The following UBE2D3 variants were observed in gnomAD, a reference collection of about 807,000 sequenced individuals.
UBE2D3 encodes the protein ubiquitin conjugating enzyme E2 D3, also known as ubiquitin-conjugating enzyme E2 D3.
Under a neutral mutation model 22.8 loss-of-function variants are expected in UBE2D3, and 2 were observed. The observed-to-expected ratio is 0.09, with a 90% CI of 0.04 to 0.28. UBE2D3 has a LOEUF of 0.28. Ranked by LOEUF, UBE2D3 falls within the 10% of genes least tolerant of loss-of-function variation. The pLI, the probability that UBE2D3 is intolerant of heterozygous loss-of-function variation, is 1.00. For missense variants in UBE2D3, 27 were observed against 182.5 expected (o/e 0.15, Z 4.91); for synonymous variants, 56 against 60.4 (o/e 0.93, Z 0.34).
Position 102,797,533 on chromosome 4 carries a change from T to C in UBE2D3, c.399-73A>G, listed in dbSNP as rs996264256. ...ATACTTTAAATGGAAGGGAAAGATT[T>C]CCATTTTATCATCTCCAGACTCATC... On this transcript the variant is annotated intron_variant, in intron 7 of 7. Transcript: ENST00000453744. The C allele has an allele frequency of 1.4e-5, 18 of 1,259,130 alleles. No homozygotes were observed. The African/African-American group carries it at 2.4e-4, about 17-fold the overall frequency. The allele number at this position is 1,259,130 out of a possible 1,614,324, so 78.0% of individuals were successfully genotyped here.
intron 4 of UBE2D3, chr4:102,809,198 A>T (rs886706631): frequency 1.5e-5 from 5 of 328,240 alleles, no homozygotes; most frequent in African/African-American, 1.1e-4. Flanking sequence ...TATTCAAAAT[A>T]TCACTTTCTG....
intron 7 of UBE2D3, 71 bp downstream of exon 7, chr4:102,799,336 T>C: frequency 1.7e-6 from 2 of 1,194,372 alleles, no homozygotes; most frequent in East Asian, 2.4e-5. Context: ...TTCTTGGCAC[T>C]GTCACAAGCA....
At chr4:102,819,567 G>A in intron 2 of UBE2D3, 3 of 985,320 alleles carry the variant, frequency 3.0e-6, no homozygotes, top group Non-Finnish European at 2.4e-6. Flanking sequence ...GGTTTTAAGT[G>A]TCAACCCTAT....
At chr4:102,823,093 A>T (rs1301640053) in intron 2 of UBE2D3, among the ~76,000 whole-genome samples, 2 of 152,148 alleles carry the variant, frequency 1.3e-5, no homozygotes, top group Admixed American at 1.3e-4. Context: ...TCTATCCCAC[A>T]TGGTTGTCTT....
chr4:102,817,515 C>A (rs114106096), intron 2 of UBE2D3, among the ~76,000 whole-genome samples: 1 of 152,062 alleles, frequency 6.6e-6, no homozygotes, highest in Non-Finnish European at 1.5e-5. Context: ...AGTGTACCTA[C>A]TAACAACTTA....
chr4:102,828,035 T>C, upstream of UBE2D3: 1 of 985,444 alleles, frequency 1.0e-6, no homozygotes, highest in African/African-American at 1.7e-5. Context: ...TTTGTGCGCT[T>C]TTCCTGACGG....
chr4:102,814,060 G>A (rs527943631), intron 2 of UBE2D3, among the ~76,000 whole-genome samples: 1 of 152,222 alleles, frequency 6.6e-6, no homozygotes, highest in East Asian at 1.9e-4. Context: ...TGTCTGTATA[G>A]ATATACCCTC....
chr4:102,811,897 A>G, intron 2 of UBE2D3: 1 of 345,256 alleles, frequency 2.9e-6, no homozygotes. Flanking sequence ...TCAACTGTCT[A>G]CCACAATATC....
rs1727671440 is a variant in UBE2D3 at position 102,809,874 on chromosome 4, T to C, written c.25-19A>G. ...TAAGTTCCTACACCAAGACAGAAAA[T>C]GGGTGAGTCACATAAGCTTAATTTA... On this transcript the variant is annotated intron_variant, in intron 2 of 7. Coordinates refer to ENST00000453744, the MANE Select transcript of UBE2D3 (RefSeq NM_181891.3). 1.2e-6 allele frequency: 2 copies of C among 1,609,996 alleles called. No individual in the cohort carries two copies. Among genetic ancestry groups the C allele is most frequent in the African/African-American group, 2.7e-5 (2 of 73,616 alleles).
At chr4:102,850,934 G>A (rs574985792) in intron 1 of UBE2D3, among the ~76,000 whole-genome samples, 13 of 151,602 alleles carry the variant, frequency 8.6e-5, no homozygotes, top group Non-Finnish European at 1.3e-4. Flanking sequence ...CTTTGTTGGG[G>A]GCGGGTGAGA....
intron 1 of UBE2D3, chr4:102,827,115 G>A (rs1730664953): frequency 2.0e-6 from 2 of 986,610 alleles, no homozygotes; most frequent in African/African-American, 1.7e-5. Flanking sequence ...CTCGCAGCGA[G>A]CTATTCTGTG....
At chr4:102,826,355 C>T (rs1730494749) in intron 2 of UBE2D3, 130 bp downstream of exon 2, 3 of 1,168,916 alleles carry the variant, frequency 2.6e-6, no homozygotes, top group Admixed American at 2.0e-5. Flanking sequence ...CTGCGTTCTC[C>T]ATCCCCCCAT....
intron 1 of UBE2D3, among the ~76,000 whole-genome samples, chr4:102,852,372 A>T (rs1732403102): frequency 6.6e-6 from 1 of 152,220 alleles, no homozygotes; most frequent in Non-Finnish European, 1.5e-5. Flanking sequence ...GCAAACCTAT[A>T]ATCCCAAGTA....
chr4:102,801,626 A>G, intron 5 of UBE2D3, 67 bp from the exon 6 acceptor site: 1 of 1,274,278 alleles, frequency 7.8e-7, no homozygotes, highest in Non-Finnish European at 1.1e-6. Context: ...AAAACTTAAA[A>G]TAATCAAGCC....
chr4:102,809,745 A>G (rs748314136), intron 3 of UBE2D3, 42 bp from the exon 4 acceptor site: 6 of 1,613,338 alleles, frequency 3.7e-6, no homozygotes, highest in Non-Finnish European at 3.4e-6. Context: ...AAAATGCACA[A>G]GCTTAAAAAA....
At chr4:102,845,192 G>T (rs28419386) in intron 1 of UBE2D3, among the ~76,000 whole-genome samples, 20,062 of 151,996 alleles carry the variant, frequency 0.13, 1,417 homozygotes, top group Admixed American at 0.16. Flanking sequence ...CTCCAGCCTG[G>T]GTGACAACAG....
chr4:102,849,504 C>T (rs570178161), intron 1 of UBE2D3, among the ~76,000 whole-genome samples: 1 of 152,002 alleles, frequency 6.6e-6, no homozygotes, highest in African/African-American at 2.4e-5. Flanking sequence ...ACCAAGAACT[C>T]ATATCCAGAA....
rs151339235 is a variant in UBE2D3, at chr4:102,853,135, A to ATTTTTTTTTTTTTT, written c.-129+15566_-129+15579dup. ...GTCAAAATTACACACAAACACACAC[A>ATTTTTTTTTTTTTT]TTTTTTTTTTTTTTTTTTTTTTTTT... On this transcript the variant is annotated intron_variant, in intron 1 of 7. Coordinates refer to the UBE2D3 transcript ENST00000338145. Among the ~76,000 whole-genome samples the ATTTTTTTTTTTTTT allele has an allele frequency of 5.6e-5, 5 of 88,598 alleles. 1 individual carries two copies. Among genetic ancestry groups the ATTTTTTTTTTTTTT allele is most frequent in the African/African-American group, 1.4e-4 (3 of 21,056 alleles). The allele number at this position is 88,598 out of a possible 152,430, so 58.1% of individuals were successfully genotyped here.
intron 2 of UBE2D3, chr4:102,812,517 G>A (rs1728197467): frequency 6.6e-6 from 1 of 152,188 alleles, no homozygotes; most frequent in African/African-American, 2.4e-5. Context: ...AAGTCTTTTA[G>A]AAAATTAGAA....
Sources: gnomAD v4.1 joint callset for allele counts (sites outside exome capture counted in the v4.1 genomes callset) on GRCh38, gnomAD v4.1.1 for gene constraint, MANE v1.5 for transcripts, NCBI Gene and HGNC (gene_info 2026-07-23, HGNC 2026-07-21) for gene names.